GSDMC: variants seen among roughly 807,000 people sequenced by gnomAD.
GSDMC encodes the protein gasdermin-C.
A neutral mutation model predicts 58.0 loss-of-function variants in GSDMC; 59 were observed. The observed-to-expected ratio is 1.02, with a 90% CI of 0.82 to 1.26. GSDMC has a LOEUF of 1.26. Among genes scored for constraint, GSDMC ranks in the 50% most tolerant of loss-of-function variants. The pLI, the probability that GSDMC is intolerant of heterozygous loss-of-function variation, is 0.00. For synonymous variants in GSDMC, 241 were observed against 220.2 expected (o/e 1.09, Z -0.83); for missense variants, 659 against 598.5 (o/e 1.10, Z -1.06).
At chr8:129,712,526 A>G in the GSDMC span, among the ~76,000 whole-genome samples, 3 of 152,144 alleles carry the variant, frequency 2.0e-5, no homozygotes, top group Non-Finnish European at 2.9e-5. Context: ...ACACAAGTCT[A>G]TATCTAGGAG....
rs1395255076 is a variant in GSDMC at position 129,786,258 on chromosome 8, G to A, written c.-252C>T. On this transcript the variant is annotated 5_prime_UTR_variant, in exon 1 of 14. Transcript: ENST00000276708. ...TGAGGCAGAGAACTGCTTGAACCCG[G>A]GAGGCAGAGGTTGCAGTGAGCTGAG... is the stretch of plus-strand genomic sequence containing the variant. 1 of 152,010 alleles carries A rather than the reference G, an allele frequency of 6.6e-6. No homozygotes were observed. The highest frequency in any genetic ancestry group is 1.5e-5 in the Non-Finnish European group (1 of 68,060). The allele number at this position is 152,010 out of a possible 1,614,324, so 9.4% of individuals were successfully genotyped here. A position where few individuals can be genotyped will look rare whatever the true frequency, so the allele number is the denominator to read the frequency against.
chr8:129,738,398 G>T, the GSDMC span, among the ~76,000 whole-genome samples: 1 of 152,128 alleles, frequency 6.6e-6, no homozygotes, highest in Non-Finnish European at 1.5e-5. Flanking sequence ...AAGACTTGGA[G>T]CCAACCCAAA....
the GSDMC span, among the ~76,000 whole-genome samples, chr8:129,736,257 A>G: frequency 6.6e-6 from 1 of 152,214 alleles, no homozygotes; most frequent in African/African-American, 2.4e-5. Flanking sequence ...TATTCCAATC[A>G]ATAGAAAAAC....
chr8:129,766,911 A>C (rs1420368745), intron 3 of GSDMC, among the ~76,000 whole-genome samples: 1 of 152,138 alleles, frequency 6.6e-6, no homozygotes, highest in Non-Finnish European at 1.5e-5. Context: ...GGACTAGACC[A>C]CCTGCGGTCA....
downstream of GSDMC, among the ~76,000 whole-genome samples, chr8:129,746,783 T>C (rs2032971359): frequency 6.6e-6 from 1 of 152,152 alleles, no homozygotes; most frequent in Non-Finnish European, 1.5e-5. Context: ...GGCAAGAAGG[T>C]GTTACCTGCT....
chr8:129,774,461 G>A (rs774473310), intron 3 of GSDMC, among the ~76,000 whole-genome samples: 9 of 151,762 alleles, frequency 5.9e-5, no homozygotes, highest in Non-Finnish European at 1.3e-4. Flanking sequence ...AGAAAATACA[G>A]GGGGAAAGTT....
At chr8:129,728,957 G>C in the GSDMC span, 12,367 of 666,252 alleles carry the variant, frequency 0.019, 194 homozygotes, top group Non-Finnish European at 0.027. Flanking sequence ...TGGTCAAGCT[G>C]CTGAACGAGA....
chr8:129,765,541 TCCAGAGCCCCCTAGGA>T, intron 4 of GSDMC, 71 bp downstream of exon 4: 1 of 923,368 alleles, frequency 1.1e-6, no homozygotes, highest in South Asian at 1.3e-5. Flanking sequence ...GGAAATAGAG[TCCAGAGCCCCCTAGGA>T]AATGAAGCTT....
chr8:129,763,301 G>A (rs1028560314), intron 4 of GSDMC, among the ~76,000 whole-genome samples: 1 of 152,264 alleles, frequency 6.6e-6, no homozygotes, highest in South Asian at 2.1e-4. Context: ...GAATTCTCTG[G>A]AATATGACTT....
chr8:129,774,777 A>G (rs1164364554), intron 3 of GSDMC, among the ~76,000 whole-genome samples: 3 of 152,214 alleles, frequency 2.0e-5, no homozygotes, highest in African/African-American at 7.2e-5. Flanking sequence ...ACCTAAATAG[A>G]TATTTTCTCC....
chr8:129,705,547 T>C, the GSDMC span: 1 of 152,928 alleles, frequency 6.5e-6, no homozygotes, highest in Non-Finnish European at 1.5e-5. Flanking sequence ...TCTTCCTTCT[T>C]CACATGGCAG....
In GSDMC at chr8:129,771,758, T is replaced by C. The variant is rs116145646; in HGVS notation, c.404+4344A>G. 5.0e-3 allele frequency among the ~76,000 whole-genome samples: 755 copies of C among 151,316 alleles called. 10 individuals are homozygous for C. Among genetic ancestry groups the C allele is most frequent in the African/African-American group, 0.017 (707 of 41,148 alleles). On this transcript the variant is annotated intron_variant, in intron 3 of 13. Coordinates refer to ENST00000276708, the MANE Select transcript of GSDMC (RefSeq NM_031415.3). ...CAAGGAATTTCAGAAAATTCACAAA[T>C]ATGTGGAAACTAAACTGAACAACCA...
intron 1 of GSDMC, among the ~76,000 whole-genome samples, chr8:129,782,177 T>C (rs560069666): frequency 6.6e-6 from 1 of 152,118 alleles, no homozygotes; most frequent in Non-Finnish European, 1.5e-5. Flanking sequence ...CAAATGATAA[T>C]GCAAACATAC....
At chr8:129,705,558 C>T in the GSDMC span, 18,600 of 152,720 alleles carry the variant, frequency 0.12, 1,708 homozygotes, top group East Asian at 0.24. Context: ...CACATGGCAG[C>T]AGCAGGAGAA....
intron 6 of GSDMC, 166 bp from the exon 7 acceptor site, chr8:129,752,986 G>A: frequency 7.8e-7 from 1 of 1,277,474 alleles, no homozygotes; most frequent in South Asian, 1.6e-5. Flanking sequence ...CCTTCTTTCA[G>A]AACTCAAGTT....
intron 6 of GSDMC, among the ~76,000 whole-genome samples, chr8:129,757,312 A>T (rs944361688): frequency 7.2e-5 from 11 of 152,220 alleles, no homozygotes; most frequent in Non-Finnish European, 1.6e-4. Context: ...GAAAAATGAT[A>T]CATTCCTAGA....
the GSDMC span, among the ~76,000 whole-genome samples, chr8:129,724,394 C>T: frequency 2.0e-5 from 3 of 152,080 alleles, no homozygotes; most frequent in African/African-American, 4.8e-5. Flanking sequence ...ATAGATAATA[C>T]AATCTATTTG....
chr8:129,741,501 C>A, the GSDMC span, among the ~76,000 whole-genome samples: 1 of 151,998 alleles, frequency 6.6e-6, no homozygotes, highest in Non-Finnish European at 1.5e-5. Context: ...TTATTTGTGT[C>A]TTCTTTAATT....
chr8:129,746,748 C>T (rs559866633), downstream of GSDMC, among the ~76,000 whole-genome samples: 1 of 152,062 alleles, frequency 6.6e-6, no homozygotes, highest in Non-Finnish European at 1.5e-5. Context: ...AACGGGAGAC[C>T]TTTGCATGGC....
Sources: allele counts gnomAD v4.1 joint callset (sites outside exome capture counted in the v4.1 genomes callset), GRCh38; gene constraint gnomAD v4.1.1; transcripts MANE v1.5; gene names NCBI Gene and HGNC (gene_info 2026-07-23, HGNC 2026-07-21).